TBC1D8: variants seen among roughly 807,000 people sequenced by gnomAD.
TBC1D8 encodes the protein BUB2-like protein 1.
Under a neutral mutation model 118.8 loss-of-function variants are expected in TBC1D8, and 65 were observed. The ratio of observed to expected loss-of-function variants is 0.55; its 90% confidence interval spans 0.45 to 0.67. The LOEUF (loss-of-function observed/expected upper bound fraction) is 0.67. Ranked by LOEUF, TBC1D8 falls within the 30% of genes least tolerant of loss-of-function variation. The pLI is 0.00. For missense variants in TBC1D8, 1,376 were observed against 1,471.2 expected (o/e 0.94, Z 1.06); for synonymous variants, 566 against 595.8 (o/e 0.95, Z 0.73).
intron 1 of TBC1D8, among the ~76,000 whole-genome samples, chr2:101,143,540 T>TAAC (rs1679202519): frequency 5.9e-5 from 9 of 152,112 alleles, no homozygotes; most frequent in Non-Finnish European, 1.2e-4. Context: ...TACATCAAGG[T>TAAC]TACCAATAGG....
At chr2:101,022,802 T>C (rs1325147078) in intron 15 of TBC1D8, among the ~76,000 whole-genome samples, 1 of 152,210 alleles carries the variant, frequency 6.6e-6, no homozygotes, top group Non-Finnish European at 1.5e-5. Context: ...AACATAGTTT[T>C]CATTATAGAA....
chr2:101,091,002 G>A (rs954571976), intron 1 of TBC1D8, among the ~76,000 whole-genome samples: 10 of 152,204 alleles, frequency 6.6e-5, no homozygotes, highest in African/African-American at 2.4e-4. Context: ...AAGAAAACCG[G>A]CCAGGAGTGG....
chr2:101,110,210 C>T (rs565336540), intron 1 of TBC1D8, among the ~76,000 whole-genome samples: 2 of 152,282 alleles, frequency 1.3e-5, no homozygotes, highest in African/African-American at 2.4e-5. Flanking sequence ...AAGTCTGAGA[C>T]AAAATGACAG....
chr2:101,011,086 G>A, intron 18 of TBC1D8, 60 bp from the exon 19 acceptor site: 1 of 1,530,492 alleles, frequency 6.5e-7, no homozygotes, highest in South Asian at 1.1e-5. Context: ...ACAGCAAAAA[G>A]GAAACTATGT....
intron 2 of TBC1D8, among the ~76,000 whole-genome samples, chr2:101,067,025 C>G (rs2121367): frequency 0.43 from 64,539 of 150,648 alleles, 14,351 homozygotes; most frequent in South Asian, 0.52. Flanking sequence ...TGCATTATTA[C>G]GAATCCTCCC....
chr2:101,118,532 T>C (rs1214304228), intron 1 of TBC1D8, among the ~76,000 whole-genome samples: 2 of 151,276 alleles, frequency 1.3e-5, no homozygotes, highest in Non-Finnish European at 2.9e-5. Context: ...CTGTCTCTAC[T>C]AAAAATACAA....
At chr2:101,137,602 C>A (rs1678913161) in intron 1 of TBC1D8, among the ~76,000 whole-genome samples, 1 of 152,208 alleles carries the variant, frequency 6.6e-6, no homozygotes, top group Non-Finnish European at 1.5e-5. Context: ...GACTTTTAAT[C>A]TGTATAGTCC....
At chr2:101,032,690 G>C (rs781096235) in intron 10 of TBC1D8, 28 of 312,226 alleles carry the variant, frequency 9.0e-5, no homozygotes, top group Non-Finnish European at 1.5e-4. Context: ...TGTTCAAGCA[G>C]ACACACACAT....
intron 15 of TBC1D8, among the ~76,000 whole-genome samples, chr2:101,025,478 A>G (rs1272797316): frequency 6.6e-6 from 1 of 152,156 alleles, no homozygotes; most frequent in Non-Finnish European, 1.5e-5. Flanking sequence ...TCGGCCTCCC[A>G]AAGTGCTGGG....
At chr2:101,074,551 T>C (rs1048216865) in intron 2 of TBC1D8, among the ~76,000 whole-genome samples, 5 of 152,284 alleles carry the variant, frequency 3.3e-5, no homozygotes, top group South Asian at 2.1e-4. Flanking sequence ...TGAAACACAA[T>C]AGAAGGAGGT....
chr2:101,007,597 G>A lies in TBC1D8; in HGVS notation c.*224C>T, dbSNP rs569630583. On this transcript the variant is annotated 3_prime_UTR_variant, in exon 20 of 20. Transcript: ENST00000409318. ...GCAAATCCGGTAAAAATTGTAAGTT[G>A]GCATCAAGGGAACCAATGGATACCT... 1 of 531,578 alleles carries A rather than the reference G, an allele frequency of 1.9e-6. No individual in the cohort carries two copies. The highest frequency in any genetic ancestry group is 2.8e-5 in the South Asian group (1 of 36,158). 32.9% of individuals were successfully genotyped at this position (531,578 alleles called of 1,614,324 possible).
At chr2:101,133,992 C>A (rs899620055) in intron 1 of TBC1D8, among the ~76,000 whole-genome samples, 5 of 152,148 alleles carry the variant, frequency 3.3e-5, no homozygotes, top group Non-Finnish European at 7.4e-5. Flanking sequence ...ATGAGAACAG[C>A]ATGGAGGAAA....
At chr2:101,047,696 G>A (rs530517818) in intron 5 of TBC1D8, among the ~76,000 whole-genome samples, 2 of 152,256 alleles carry the variant, frequency 1.3e-5, no homozygotes, top group South Asian at 2.1e-4. Context: ...CCAGCCCCAC[G>A]CACCTGCAGG....
intron 12 of TBC1D8, 74 bp downstream of exon 12, chr2:101,029,417 A>G: frequency 7.0e-7 from 1 of 1,433,498 alleles, no homozygotes; most frequent in Non-Finnish European, 9.4e-7. Flanking sequence ...AAACTTCCCC[A>G]CCGATAGCCC....
At chr2:101,077,668 C>T (rs777558460) in intron 2 of TBC1D8, among the ~76,000 whole-genome samples, 5 of 152,168 alleles carry the variant, frequency 3.3e-5, no homozygotes, top group Non-Finnish European at 4.4e-5. Flanking sequence ...GATCCAATCA[C>T]CTCCCACCAG....
intron 1 of TBC1D8, among the ~76,000 whole-genome samples, chr2:101,137,787 A>G (rs1017238182): frequency 2.0e-5 from 3 of 152,202 alleles, no homozygotes; most frequent in Admixed American, 6.5e-5. Context: ...ATGCCAAACC[A>G]GTAACATTAC....
chr2:101,113,555 C>A (rs150671083), intron 1 of TBC1D8, among the ~76,000 whole-genome samples: 1 of 152,154 alleles, frequency 6.6e-6, no homozygotes, highest in Non-Finnish European at 1.5e-5. Flanking sequence ...TCACAAATAC[C>A]GCCTGCAGCC....
intron 4 of TBC1D8, among the ~76,000 whole-genome samples, chr2:101,052,303 C>G (rs1015270769): frequency 1.3e-5 from 2 of 152,122 alleles, no homozygotes; most frequent in South Asian, 4.1e-4. Context: ...TTTAGAAACA[C>G]CTGGTCTAGT....
At chr2:101,130,206 AC>A (rs1678533419) in intron 1 of TBC1D8, among the ~76,000 whole-genome samples, 1 of 151,982 alleles carries the variant, frequency 6.6e-6, no homozygotes, top group South Asian at 2.1e-4. Context: ...CATTCCAGTC[AC>A]CTCCGGAAGG....
Sources: gnomAD v4.1 joint callset for allele counts (sites outside exome capture counted in the v4.1 genomes callset) on GRCh38, gnomAD v4.1.1 for gene constraint, MANE v1.5 for transcripts, NCBI Gene and HGNC (gene_info 2026-07-23, HGNC 2026-07-21) for gene names.